ADARB2: variants seen among roughly 807,000 people sequenced by gnomAD.
ADARB2 encodes inactive double-stranded RNA-specific editase B2.
In ADARB2, 25 loss-of-function variants were observed where a neutral mutation model predicts 62.2. The ratio of observed to expected loss-of-function variants is 0.40; its 90% CI spans 0.29 to 0.56. The LOEUF is 0.56. ADARB2 is among the 20% of genes least tolerant of loss of function. The pLI is 0.43. For synonymous variants in ADARB2, 572 were observed against 500.8 expected (o/e 1.14, Z -1.90); for missense variants, 1,071 against 1,077.4 (o/e 0.99, Z 0.08).
chr10:1,375,418 C>T (rs74119855), intron 2 of ADARB2, among the ~76,000 whole-genome samples: 3,666 of 152,298 alleles, frequency 0.024, 100 homozygotes, highest in East Asian at 0.12. Flanking sequence ...CTCCCAGGCC[C>T]ACTTCCCGCA....
At chr10:1,392,913 G>A (rs377185691) in intron 1 of ADARB2, among the ~76,000 whole-genome samples, 49 of 152,228 alleles carry the variant, frequency 3.2e-4, no homozygotes, top group East Asian at 2.5e-3. Context: ...GAATGTGACC[G>A]TATTTGGAGA....
Position 1,256,014 on chromosome 10 carries a change from A to G in ADARB2, c.1193-13715T>C, listed in dbSNP as rs12266001. ...ATACTTGCGGGGCATGAGAATGGAC[A>G]GGCAGATGCAGCAGTATTTGCTGCT... On this transcript the variant is annotated intron_variant, in intron 4 of 9. Transcript: ENST00000381312. Among the ~76,000 whole-genome samples, 444 of 152,350 alleles carry G rather than the reference A, an allele frequency of 2.9e-3. 1 individual carries two copies. The highest frequency in any genetic ancestry group is 9.8e-3 in the African/African-American group (406 of 41,588).
chr10:1,716,337 G>A (rs1835016617), intron 1 of ADARB2, among the ~76,000 whole-genome samples: 1 of 152,184 alleles, frequency 6.6e-6, no homozygotes, highest in African/African-American at 2.4e-5. Flanking sequence ...AAGAAGGTGT[G>A]AAAGATCTAA....
chr10:1,308,791 A>G (rs1306289979), intron 3 of ADARB2, among the ~76,000 whole-genome samples: 23 of 152,204 alleles, frequency 1.5e-4, no homozygotes, highest in Non-Finnish European at 1.5e-5. Context: ...GCTCTTTAAC[A>G]CAGACTACCT....
At chr10:1,509,165 A>G (rs982942649) in intron 1 of ADARB2, among the ~76,000 whole-genome samples, 1 of 152,156 alleles carries the variant, frequency 6.6e-6, no homozygotes, top group African/African-American at 2.4e-5. Context: ...TAACAGCAAC[A>G]GTATGTTGAA....
At chr10:1,610,491 A>T (rs146353480) in intron 1 of ADARB2, among the ~76,000 whole-genome samples, 1 of 152,360 alleles carries the variant, frequency 6.6e-6, no homozygotes, top group East Asian at 1.9e-4. Flanking sequence ...GGACAGAAAG[A>T]AAAGCACTAG....
chr10:1,662,758 C>T (rs1338839033), intron 1 of ADARB2, among the ~76,000 whole-genome samples: 5 of 152,194 alleles, frequency 3.3e-5, no homozygotes, highest in Admixed American at 6.5e-5. Flanking sequence ...ACATCATTTC[C>T]GCTCCTGCTG....
intron 5 of ADARB2, among the ~76,000 whole-genome samples, chr10:1,234,494 G>A (rs1167401125): frequency 8.3e-4 from 127 of 152,150 alleles, no homozygotes; most frequent in Admixed American, 8.2e-3. Context: ...ATGCTGGAGT[G>A]CAGTAGCGTG....
At chr10:1,246,091 AT>A (rs1830984035) in intron 4 of ADARB2, among the ~76,000 whole-genome samples, 1 of 151,980 alleles carries the variant, frequency 6.6e-6, no homozygotes, top group Non-Finnish European at 1.5e-5. Context: ...ATGGCCAGTG[AT>A]GATGAGCATT....
intron 1 of ADARB2, among the ~76,000 whole-genome samples, chr10:1,581,649 T>A (rs950421887): frequency 6.6e-6 from 1 of 152,212 alleles, no homozygotes; most frequent in Non-Finnish European, 1.5e-5. Flanking sequence ...TGTGTATACC[T>A]ATATACATAC....
chr10:1,470,406 T>G (rs115260799), intron 1 of ADARB2, among the ~76,000 whole-genome samples: 149 of 152,344 alleles, frequency 9.8e-4, no homozygotes, highest in African/African-American at 3.5e-3. Context: ...CACTCTGCAC[T>G]GTAGGCCCTG....
intron 3 of ADARB2, among the ~76,000 whole-genome samples, chr10:1,344,797 C>G (rs1469991159): frequency 1.3e-5 from 2 of 152,218 alleles, no homozygotes; most frequent in Non-Finnish European, 2.9e-5. Context: ...AGGTTGGCGT[C>G]AGCACCCACA....
At chr10:1,636,816 T>C (rs1394398679) in intron 1 of ADARB2, among the ~76,000 whole-genome samples, 4 of 148,384 alleles carry the variant, frequency 2.7e-5, no homozygotes, top group Admixed American at 1.4e-4. Flanking sequence ...TATTGTTATA[T>C]ATGTCATATA....
At chr10:1,257,623 C>T (rs1831091715) in intron 4 of ADARB2, among the ~76,000 whole-genome samples, 1 of 152,194 alleles carries the variant, frequency 6.6e-6, no homozygotes, top group Non-Finnish European at 1.5e-5. Context: ...GAAGGAGACA[C>T]AGACACACTG....
intron 3 of ADARB2, among the ~76,000 whole-genome samples, chr10:1,343,102 C>T (rs1031558231): frequency 3.3e-5 from 5 of 152,128 alleles, no homozygotes; most frequent in African/African-American, 9.7e-5. Context: ...GATCTATACA[C>T]AAGACATGAA....
At chr10:1,371,353 C>A (rs1403003214) in intron 2 of ADARB2, among the ~76,000 whole-genome samples, 1 of 152,036 alleles carries the variant, frequency 6.6e-6, no homozygotes. Flanking sequence ...ACAAGAAAAC[C>A]TAGGAAAAAC....
intron 3 of ADARB2, among the ~76,000 whole-genome samples, chr10:1,286,129 G>A (rs1831411499): frequency 6.6e-6 from 1 of 152,174 alleles, no homozygotes; most frequent in Non-Finnish European, 1.5e-5. Context: ...GAGGGGGCTT[G>A]GGAGTGCAGA....
intron 1 of ADARB2, among the ~76,000 whole-genome samples, chr10:1,435,877 T>G (rs1830830121): frequency 6.6e-6 from 1 of 152,160 alleles, no homozygotes; most frequent in African/African-American, 2.4e-5. Flanking sequence ...GGAAAATGAT[T>G]TTATAGAAAG....
At chr10:1,480,817 A>G (rs867611447) in intron 1 of ADARB2, among the ~76,000 whole-genome samples, 2 of 152,232 alleles carry the variant, frequency 1.3e-5, no homozygotes, top group African/African-American at 4.8e-5. Context: ...TTGTTGAAAG[A>G]AATAAAAGAC....
Sources: gnomAD v4.1 joint callset for allele counts (sites outside exome capture counted in the v4.1 genomes callset) on GRCh38, gnomAD v4.1.1 for gene constraint, MANE v1.5 for transcripts, NCBI Gene and HGNC (gene_info 2026-07-23, HGNC 2026-07-21) for gene names.